PLCE1: variants seen among roughly 807,000 people sequenced by gnomAD.
The protein encoded by PLCE1 is phospholipase C epsilon 1, also known as 1-phosphatidylinositol 4,5-bisphosphate phosphodiesterase epsilon-1.
In PLCE1, 119 loss-of-function variants were observed where a neutral mutation model predicts 242.8. That is an observed-to-expected ratio of 0.49 (90% CI 0.42 to 0.57). The LOEUF is 0.57. Ranked by LOEUF, PLCE1 falls within the 20% of genes least tolerant of loss-of-function variation. The pLI, the probability that PLCE1 is intolerant of heterozygous loss-of-function variation, is 0.00. For synonymous variants in PLCE1, 945 were observed against 1,017.4 expected (o/e 0.93, Z 1.35); for missense variants, 2,441 against 2,788.8 (o/e 0.88, Z 2.81).
intron 2 of PLCE1, among the ~76,000 whole-genome samples, chr10:94,067,737 A>T (rs2044238384): frequency 6.6e-6 from 1 of 152,186 alleles, no homozygotes; most frequent in Non-Finnish European, 1.5e-5. Context: ...AGCCTGCAGC[A>T]AGTGGCAGGA....
chr10:94,287,173 T>A (rs542731987), intron 22 of PLCE1: 1 of 152,172 alleles, frequency 6.6e-6, no homozygotes, highest in Non-Finnish European at 1.5e-5. Context: ...TTAAAAGTGT[T>A]CACATAGCAT....
chr10:94,092,041 A>G (rs962071714), intron 2 of PLCE1, among the ~76,000 whole-genome samples: 1 of 152,220 alleles, frequency 6.6e-6, no homozygotes, highest in Non-Finnish European at 1.5e-5. Context: ...CTGTAATTTA[A>G]TAACCCTAAG....
intron 2 of PLCE1, among the ~76,000 whole-genome samples, chr10:94,069,592 A>G (rs761714851): frequency 2.0e-4 from 30 of 152,160 alleles, no homozygotes; most frequent in Admixed American, 6.5e-4. Flanking sequence ...CAGCCTGGGC[A>G]ACAGAGTGAG....
At chr10:94,270,028 G>A (rs186912139) in intron 17 of PLCE1, among the ~76,000 whole-genome samples, 1 of 152,266 alleles carries the variant, frequency 6.6e-6, no homozygotes, top group East Asian at 1.9e-4. Flanking sequence ...TAAAACTCCT[G>A]TATGCTATAT....
intron 2 of PLCE1, among the ~76,000 whole-genome samples, chr10:94,119,539 T>G (rs2046239595): frequency 6.6e-6 from 1 of 152,180 alleles, no homozygotes; most frequent in Non-Finnish European, 1.5e-5. Flanking sequence ...GCATACACTG[T>G]TCCCTTTGCT....
At chr10:94,017,209 T>A (rs1229411644) in intron 1 of PLCE1, among the ~76,000 whole-genome samples, 1 of 152,228 alleles carries the variant, frequency 6.6e-6, no homozygotes, top group Non-Finnish European at 1.5e-5. Flanking sequence ...CAGTTCTGTC[T>A]GTTTTATTTG....
intron 2 of PLCE1, among the ~76,000 whole-genome samples, chr10:94,044,537 G>C (rs1184348868): frequency 6.6e-6 from 1 of 152,210 alleles, no homozygotes; most frequent in Admixed American, 6.5e-5. Context: ...CTTGAACACA[G>C]ACTTGGCCGT....
rs1281653799 is a variant in PLCE1, at chr10:94,283,792, A to G, written c.4798A>G (p.Asn1600Asp). The stretch of plus-strand genomic sequence containing the variant: ...GAAGTCTGCTAACTTATTTTCAGAC[A>G]ACATTCTGGAAGACAGACCTGAAAA... The part of the protein sequence containing the change: ...DYDYESLSDD[N>D]ILEDRPENKS... The change falls in exon 21 of 33, where the codon AAC becomes GAC. Residue 1600 changes from asparagine (N) to aspartate (D), a missense_variant and splice_region_variant. Coordinates refer to ENST00000371380, the MANE Select transcript of PLCE1 (RefSeq NM_016341.4). The G allele has an allele frequency of 1.9e-6, 3 of 1,611,140 alleles. No individual in the cohort carries two copies. The South Asian group carries it at 3.3e-5, about 18-fold the overall frequency.
chr10:94,031,296 G>A lies in PLCE1; in HGVS notation c.250G>A (p.Glu84Lys), dbSNP rs1589883073. 4.3e-6 allele frequency: 7 copies of A among 1,613,882 alleles called. No homozygotes were observed. In the East Asian group the frequency reaches 1.3e-4, roughly 31 times the overall value. The change falls in exon 2 of 33, where the codon GAG (glutamate) becomes AAG (lysine). Residue 84 changes from glutamate to lysine, a missense_variant. Glu to Lys is a moderately conservative substitution (Grantham distance 56, BLOSUM62 1). Transcript: ENST00000371380. ...SIAREKIVSD[E>K]NSNEKCWEKI... ...AGCGAGGGAGAAAATAGTGAGTGATGAGAACAGTAATGAAAAATGTTGGGA... is the reference window on the plus strand; with the variant it reads ...AGCGAGGGAGAAAATAGTGAGTGATAAGAACAGTAATGAAAAATGTTGGGA...
At chr10:94,106,346 C>T (rs1039836923) in intron 2 of PLCE1, among the ~76,000 whole-genome samples, 1 of 152,184 alleles carries the variant, frequency 6.6e-6, no homozygotes, top group Admixed American at 6.5e-5. Flanking sequence ...AATATTCCTA[C>T]ACATATCTCT....
In PLCE1 at chr10:94,298,237, C is replaced by A; in HGVS notation, c.5168-142C>A. ...CACCATGTTGTTTTAAAGTGGCGAA[C>A]TAACTCACAAGTAAAATCCAAGAGG... On this transcript the variant is annotated intron_variant, in intron 23 of 32. Transcript: ENST00000371380. This position sits in a 1 kb window ranked among gnomAD's most constrained non-coding sequence, Gnocchi z 5.2. 1 of 744,600 alleles carries A rather than the reference C, an allele frequency of 1.3e-6. No homozygotes were observed. The highest frequency in any genetic ancestry group is 2.3e-6 in the Non-Finnish European group (1 of 440,710). 46.1% of individuals were successfully genotyped at this position (744,600 alleles called of 1,614,324 possible). A position where few individuals can be genotyped will look rare whatever the true frequency, so the allele number is the denominator to read the frequency against.
chr10:94,136,193 A>G (rs1171795228), intron 3 of PLCE1, among the ~76,000 whole-genome samples: 2 of 152,198 alleles, frequency 1.3e-5, no homozygotes, highest in East Asian at 3.9e-4. Flanking sequence ...AGTCAAAATC[A>G]TAGAGACCTT....
At chr10:94,300,159 G>A (rs1047597019) in intron 24 of PLCE1, among the ~76,000 whole-genome samples, 1 of 152,200 alleles carries the variant, frequency 6.6e-6, no homozygotes, top group Non-Finnish European at 1.5e-5. Context: ...GGAAATGGAA[G>A]TGCATTTGGT....
rs2054173094 is a variant in PLCE1 at position 94,332,548 on chromosome 10, T to TGTGTGTGTGTGTG, written c.*4605_*4606insGTGTGTGTGTGTG. On this transcript the variant is annotated 3_prime_UTR_variant, in exon 33 of 33. Transcript: ENST00000371380. ...GTGTGTGTGTGTGTGTGTGTGTGTG[T>TGTGTGTGTGTGTG]TTAAACATAAGCTTACATATAAGCG... The TGTGTGTGTGTGTG allele has an allele frequency of 7.0e-6, 1 of 143,814 alleles. No individual in the cohort carries two copies. The highest frequency in any genetic ancestry group is 2.6e-5 in the African/African-American group (1 of 38,210). 8.9% of individuals were successfully genotyped at this position (143,814 alleles called of 1,614,324 possible).
chr10:94,263,286 G>A (rs544691895), intron 14 of PLCE1, among the ~76,000 whole-genome samples: 52 of 151,704 alleles, frequency 3.4e-4, no homozygotes, highest in Admixed American at 2.3e-3. Context: ...GGCTGAGGCC[G>A]GTGGATCACC....
At position 94,246,496 on chromosome 10, in the gene PLCE1, C is replaced by G. The variant is rs2050686578; in HGVS notation, c.2971C>G (p.Pro991Ala). The G allele has an allele frequency of 1.2e-6, 2 of 1,614,052 alleles. No individual in the cohort carries two copies. The highest frequency in any genetic ancestry group is 3.3e-5 in the Admixed American group (2 of 60,004). The change falls in exon 8 of 33, where the codon CCA becomes GCA. Residue 991 changes from proline to alanine, a missense_variant. Coordinates refer to ENST00000371380, the MANE Select transcript of PLCE1 (RefSeq NM_016341.4). ...TDNRLLHFVA[P>A]KHTAKMLFSG... Reference sequence around the variant, plus strand: ...CAACAGATTATTGCACTTCGTGGCACCAAAGCACACAGCTAAAATGCTCTT... The same window carrying G: ...CAACAGATTATTGCACTTCGTGGCAGCAAAGCACACAGCTAAAATGCTCTT...
At chr10:94,229,554 G>C (rs1032660996) in intron 5 of PLCE1, among the ~76,000 whole-genome samples, 1 of 152,214 alleles carries the variant, frequency 6.6e-6, no homozygotes, top group Non-Finnish European at 1.5e-5. Flanking sequence ...AAAATCAGGA[G>C]ATGTGGACCA....
At position 94,313,295 on chromosome 10, in the gene PLCE1, A is replaced by T. The variant is rs2053447735; in HGVS notation, c.6045A>T (p.Arg2015Ser). Residue 2015 changes from arginine to serine, a missense_variant, in exon 28 of 33, where the codon AGA becomes AGT. Arg to Ser is a moderately radical substitution (Grantham distance 110). Around this residue, in one of 5 missense-constraint regions of PLCE1, gnomAD observed 1,004 missense variants for 1,322.7 expected, o/e 0.76. Transcript: ENST00000371380. ...AAAGAAAATGTTTGCAGACTCACAG[A>T]GTCACGGTGCATGGGGTCCCAGGGC... is the stretch of plus-strand genomic sequence containing the variant. The part of the protein sequence containing the change: ...TEERKCLQTH[R>S]VTVHGVPGPE... The T allele has an allele frequency of 6.2e-7, 1 of 1,614,188 alleles. No homozygotes were observed. Among genetic ancestry groups the T allele is most frequent in the East Asian group, 2.2e-5 (1 of 44,890 alleles).
Position 94,192,553 on chromosome 10 carries a change from A to G in PLCE1, c.1809+21057A>G, listed in dbSNP as rs556807816. The stretch of plus-strand genomic sequence containing the variant: ...CTTTTTTATGGCTGTGTAGTATTCC[A>G]TGGTATATACGTATATCCAATCCAC... On this transcript the variant is annotated intron_variant, in intron 4 of 32. Coordinates refer to ENST00000371380, the MANE Select transcript of PLCE1 (RefSeq NM_016341.4). Among the ~76,000 whole-genome samples, 3 of 152,308 alleles carry G rather than the reference A, an allele frequency of 2.0e-5. No individual in the cohort carries two copies. The East Asian group carries it at 5.8e-4, about 29-fold the overall frequency.
Sources: gnomAD v4.1 joint callset for allele counts (sites outside exome capture counted in the v4.1 genomes callset) on GRCh38, gnomAD v4.1.1 for gene constraint, gnomAD v4.1.1 regional missense constraint, Gnocchi (gnomAD v3.1) non-coding constraint, MANE v1.5 for transcripts, NCBI Gene and HGNC (gene_info 2026-07-23, HGNC 2026-07-21) for gene names.